Variants in ETNPPL observed in about 807,000 individuals in gnomAD.
ETNPPL encodes the protein alanine--glyoxylate aminotransferase 2-like 1.
Under a neutral mutation model 55.5 loss-of-function variants are expected in ETNPPL, and 30 were observed. The ratio of observed to expected loss-of-function variants is 0.54; its 90% CI spans 0.40 to 0.73. ETNPPL has a LOEUF of 0.73. ETNPPL is among the 30% of genes least tolerant of loss of function. The probability of loss-of-function intolerance (pLI) is 0.00; values close to 1 mark genes in which losing one functional copy is unlikely to be tolerated. For synonymous variants in ETNPPL, 202 were observed against 207.2 expected, an observed-to-expected ratio of 0.98 and a Z score of 0.21; for missense variants, 528 against 607.9, an observed-to-expected ratio of 0.87 and a Z score of 1.38.
chr4:108,762,836 C>T lies in ETNPPL; in HGVS notation c.56+7G>A, dbSNP rs760229736. 18 of 1,613,968 alleles carry T rather than the reference C, an allele frequency of 1.1e-5. No individual in the cohort carries two copies. The highest frequency in any genetic ancestry group is 3.3e-4 in the Middle Eastern group (2 of 6,084). Reference sequence around the variant, plus strand: ...CTGCACTTACTTCCGGGCCAGGGTGCCCTTACCCGATGTGCTTCTTCCTCA... The same window carrying T: ...CTGCACTTACTTCCGGGCCAGGGTGTCCTTACCCGATGTGCTTCTTCCTCA... On this transcript the variant is annotated splice_region_variant and intron_variant, in intron 1 of 12. Coordinates refer to ENST00000296486, the MANE Select transcript of ETNPPL (RefSeq NM_031279.4).
Position 108,742,551 on chromosome 4 carries a change from G to T in ETNPPL, c.1433C>A (p.Pro478His). ...RDSTTDSKEN[P>H]SRKRNGMCTD... is the part of the protein sequence containing the mutation. ...GCACATTCCATTTCTCTTTCTGCTG[G>T]GATTTTCTTTGGAGTCAGTGGTGCT... The change falls in exon 13 of 13, where the codon CCC becomes CAC. Residue 478 changes from proline to histidine, a missense_variant. By Grantham distance (77) the Pro-to-His change is moderately conservative (BLOSUM62 -2). Transcript: ENST00000296486. 6.2e-7 allele frequency: 1 copy of T among 1,614,098 alleles called. No homozygotes were observed. The highest frequency in any genetic ancestry group is 8.5e-7 in the Non-Finnish European group (1 of 1,180,032).
intron 11 of ETNPPL, among the ~76,000 whole-genome samples, chr4:108,746,116 G>C (rs1350848015): frequency 1.3e-5 from 2 of 152,084 alleles, no homozygotes; most frequent in Non-Finnish European, 2.9e-5. Context: ...TTTTAAATAT[G>C]CTAGTCTAAA....
chr4:108,761,426 A>AT (rs1171687002), intron 1 of ETNPPL, among the ~76,000 whole-genome samples: 2 of 152,184 alleles, frequency 1.3e-5, no homozygotes, highest in Non-Finnish European at 2.9e-5. Context: ...TGAAAATAGT[A>AT]TTTTATAAGA....
At chr4:108,758,954 C>A (rs1297945050) in intron 3 of ETNPPL, among the ~76,000 whole-genome samples, 3 of 152,204 alleles carry the variant, frequency 2.0e-5, no homozygotes, top group African/African-American at 7.2e-5. Flanking sequence ...GAGGCTGAGG[C>A]AGGAGAATCA....
intron 4 of ETNPPL, among the ~76,000 whole-genome samples, chr4:108,755,775 C>G (rs1004460829): frequency 6.6e-6 from 1 of 152,154 alleles, no homozygotes; most frequent in East Asian, 1.9e-4. Flanking sequence ...GAGTGGAGAT[C>G]GCGCCACTGC....
At position 108,756,384 on chromosome 4, in the gene ETNPPL, C is replaced by G. The variant is rs773850030; in HGVS notation, c.410+34G>C. 5.3e-6 allele frequency: 8 copies of G among 1,510,098 alleles called. No individual in the cohort carries two copies. The African/African-American group carries it at 5.5e-5, about 10-fold the overall frequency. 93.5% of individuals were successfully genotyped at this position (1,510,098 alleles called of 1,614,324 possible). On this transcript the variant is annotated intron_variant, in intron 4 of 12. Coordinates refer to ENST00000296486, the MANE Select transcript of ETNPPL (RefSeq NM_031279.4). Reference sequence around the variant, plus strand: ...CAATACAATTTTGTCTCTGAAGAAGCTTCTTGCTTAAAAATCTTGTGTCCA... The same window carrying G: ...CAATACAATTTTGTCTCTGAAGAAGGTTCTTGCTTAAAAATCTTGTGTCCA...
rs1388617335 is a variant in ETNPPL, at chr4:108,759,806, T to C, written c.278A>G (p.Lys93Arg). The C allele has an allele frequency of 1.2e-6, 2 of 1,614,182 alleles. No individual in the cohort carries two copies. Among genetic ancestry groups the C allele is most frequent in the Admixed American group, 1.7e-5 (1 of 60,018 alleles). Residue 93 changes from lysine to arginine, a missense_variant, in exon 3 of 13, where the codon AAA becomes AGA. By Grantham distance (26) the Lys-to-Arg change is conservative. Coordinates refer to ENST00000296486, the MANE Select transcript of ETNPPL (RefSeq NM_031279.4). ...CTCCGGCAGAGTTGCTGAAAGGCGT[T>C]TGGCATACTCAACAATGTTGTCGTG... ...FLHDNIVEYAKRLSATLPEKL... is the reference protein window; with the variant it reads ...FLHDNIVEYARRLSATLPEKL...
intron 11 of ETNPPL, among the ~76,000 whole-genome samples, chr4:108,744,128 G>T (rs186267570): frequency 1.3e-5 from 2 of 152,250 alleles, no homozygotes; most frequent in Non-Finnish European, 2.9e-5. Context: ...GGATGTGGTG[G>T]CACATGCCTG....
intron 1 of ETNPPL, among the ~76,000 whole-genome samples, chr4:108,760,545 C>T (rs925061869): frequency 1.3e-5 from 2 of 152,050 alleles, no homozygotes; most frequent in African/African-American, 4.8e-5. Flanking sequence ...CATGATTTGA[C>T]AATTTATTAG....
chr4:108,762,957 G>C lies in ETNPPL; in HGVS notation c.-59C>G. On this transcript the variant is annotated 5_prime_UTR_variant, in exon 1 of 13. Coordinates refer to ENST00000296486, the MANE Select transcript of ETNPPL (RefSeq NM_031279.4). ...GGTGCAAGGTCTGCGCGCCTCCTAC[G>C]CGAGCCTGGGACTGCCTTGGCGGCC... 1.3e-6 allele frequency: 2 copies of C among 1,551,262 alleles called. No individual in the cohort carries two copies. The highest frequency in any genetic ancestry group is 1.7e-5 in the Admixed American group (1 of 59,688).
rs1728537118 is a variant in ETNPPL, at chr4:108,746,944, C to T, written c.1083-93G>A. ...CTATCACCAAACTTCCATTTAATTT[C>T]CAAGTTTAATTCTAACTAAATCAAG... On this transcript the variant is annotated intron_variant, in intron 9 of 12. Coordinates refer to ENST00000296486, the MANE Select transcript of ETNPPL (RefSeq NM_031279.4). 4 of 784,318 alleles carry T rather than the reference C, an allele frequency of 5.1e-6. No homozygotes were observed. The South Asian group carries it at 6.5e-5, about 13-fold the overall frequency. The allele number at this position is 784,318 out of a possible 1,614,324, so 48.6% of individuals were successfully genotyped here. A position where few individuals can be genotyped will look rare whatever the true frequency, so the allele number is the denominator to read the frequency against.
At chr4:108,756,556 G>T in intron 3 of ETNPPL, 64 bp from the exon 4 acceptor site, 1 of 1,246,238 alleles carries the variant, frequency 8.0e-7, no homozygotes, top group Non-Finnish European at 1.2e-6. Flanking sequence ...TTTAGGATGT[G>T]CCAGGCACGG....
chr4:108,754,565 T>C, intron 5 of ETNPPL, 55 bp downstream of exon 5: 4 of 938,170 alleles, frequency 4.3e-6, no homozygotes, highest in Non-Finnish European at 3.4e-6. Context: ...GGCTGGATTA[T>C]CATTAAGCAT....
intron 3 of ETNPPL, among the ~76,000 whole-genome samples, chr4:108,757,084 G>A (rs951016595): frequency 2.0e-5 from 3 of 152,026 alleles, no homozygotes; most frequent in African/African-American, 2.4e-5. Context: ...CTGAGGACAC[G>A]AAGAAGCCTT....
intron 7 of ETNPPL, among the ~76,000 whole-genome samples, chr4:108,750,405 T>C (rs2125675312): frequency 6.6e-6 from 1 of 151,948 alleles, no homozygotes; most frequent in Non-Finnish European, 1.5e-5. Flanking sequence ...TTCTTCAGTT[T>C]TGGGACTTAA....
chr4:108,746,290 C>G, intron 11 of ETNPPL, 109 bp downstream of exon 11: 1 of 1,001,742 alleles, frequency 1.0e-6, no homozygotes, highest in Non-Finnish European at 1.4e-6. Context: ...CCCTGCCTCA[C>G]TTCCATCATG....
At chr4:108,754,531 A>T in intron 5 of ETNPPL, 89 bp downstream of exon 5, 1 of 749,958 alleles carries the variant, frequency 1.3e-6, no homozygotes, top group Non-Finnish European at 2.3e-6. Flanking sequence ...TTTCTCTTTC[A>T]TGGTTCATCT....
rs1225200425 is a variant in ETNPPL at position 108,742,164 on chromosome 4, T to C, written c.*320A>G. 1 of 193,784 alleles carries C rather than the reference T, an allele frequency of 5.2e-6. No individual in the cohort carries two copies. Among genetic ancestry groups the C allele is most frequent in the African/African-American group, 2.3e-5 (1 of 43,742 alleles). The allele number at this position is 193,784 out of a possible 1,614,324, so 12.0% of individuals were successfully genotyped here. A position where few individuals can be genotyped will look rare whatever the true frequency, so the allele number is the denominator to read the frequency against. ...AAAAGTGAAGGCACCTGTTATACTT[T>C]GCTCTCTAATTTGACACATTAAAAC... On this transcript the variant is annotated 3_prime_UTR_variant, in exon 13 of 13. Transcript: ENST00000296486.
At position 108,753,805 on chromosome 4, in the gene ETNPPL, A is replaced by AAAG. The variant is rs778871409; in HGVS notation, c.502-795_502-794insCTT. Among the ~76,000 whole-genome samples, 470 of 117,348 alleles carry AAAG rather than the reference A, an allele frequency of 4.0e-3. 5 individuals are homozygous for AAAG. Among genetic ancestry groups the AAAG allele is most frequent in the Middle Eastern group, 0.018 (4 of 222 alleles). 77.0% of individuals were successfully genotyped at this position (117,348 alleles called of 152,430 possible). ...GAAAGAAAGAAAGAAAGAAAGAAAG[A>AAAG]AAAGAGAAGAAAAGAAAAGAAAAAA... On this transcript the variant is annotated intron_variant, in intron 5 of 12. Coordinates refer to ENST00000296486, the MANE Select transcript of ETNPPL (RefSeq NM_031279.4).
Sources: gnomAD v4.1 joint callset for allele counts (sites outside exome capture counted in the v4.1 genomes callset) on GRCh38, gnomAD v4.1.1 for gene constraint, MANE v1.5 for transcripts, NCBI Gene and HGNC (gene_info 2026-07-23, HGNC 2026-07-21) for gene names.